The following BCAS3 variants were observed in gnomAD, a reference collection of about 807,000 sequenced individuals.
BCAS3 encodes BCAS3 microtubule associated cell migration factor.
A neutral mutation model predicts 116.1 loss-of-function variants in BCAS3; 53 were observed. The observed-to-expected ratio is 0.46, with a 90% confidence interval of 0.37 to 0.57. The LOEUF is 0.57. Among genes scored for constraint, BCAS3 ranks in the 20% least tolerant of loss-of-function variants. BCAS3 has a pLI of 0.00. For synonymous variants in BCAS3, 391 were observed against 408.2 expected (o/e 0.96, Z 0.51); for missense variants, 917 against 1,165.4 (o/e 0.79, Z 3.10).
chr17:60,763,441 C>G (rs1243878729), intron 6 of BCAS3, among the ~76,000 whole-genome samples: 1 of 152,154 alleles, frequency 6.6e-6, no homozygotes, highest in South Asian at 2.1e-4. Flanking sequence ...TTTTCTGCAT[C>G]TATTGAGATA....
chr17:61,202,220 C>G (rs2144287504), intron 22 of BCAS3, among the ~76,000 whole-genome samples: 1 of 149,432 alleles, frequency 6.7e-6, no homozygotes, highest in South Asian at 2.1e-4. Flanking sequence ...TCACTACAAG[C>G]TCTGCCTCCC....
intron 7 of BCAS3, among the ~76,000 whole-genome samples, chr17:60,822,248 A>T (rs983715545): frequency 2.0e-5 from 3 of 152,180 alleles, no homozygotes; most frequent in African/African-American, 7.2e-5. Flanking sequence ...AACACTTGAC[A>T]TTGTCAGTCT....
intron 19 of BCAS3, among the ~76,000 whole-genome samples, chr17:61,049,113 T>TA (rs2068605917): frequency 6.6e-6 from 1 of 151,580 alleles, no homozygotes; most frequent in South Asian, 2.1e-4. Flanking sequence ...TGCCTAGAAA[T>TA]AGAGTGAGAC....
intron 19 of BCAS3, among the ~76,000 whole-genome samples, chr17:61,043,571 G>A (rs920818186): frequency 6.6e-6 from 1 of 151,970 alleles, no homozygotes; most frequent in Non-Finnish European, 1.5e-5. Context: ...TGGGTTTTCA[G>A]TGGGTACACA....
rs751510032 is a variant in BCAS3 at position 61,285,411 on chromosome 17, G to A, written c.2426-82916G>A. Among the ~76,000 whole-genome samples the A allele has an allele frequency of 1.1e-4, 16 of 151,650 alleles. No homozygotes were observed. The highest frequency in any genetic ancestry group is 1.9e-4 in the Non-Finnish European group (13 of 67,772). ...TGTTTTCTGCAGATTTTCAACAGGT[G>A]TCAGTTACACTTTACCTGGCCCTAA... On this transcript the variant is annotated intron_variant, in intron 22 of 23. Transcript: ENST00000407086. This position sits in a 1 kb window ranked among gnomAD's most constrained non-coding sequence, Gnocchi z 5.4.
intron 5 of BCAS3, among the ~76,000 whole-genome samples, chr17:60,718,357 C>T (rs902144018): frequency 6.6e-6 from 1 of 152,118 alleles, no homozygotes; most frequent in South Asian, 2.1e-4. Flanking sequence ...CATTGCATTT[C>T]AGAGGAAATG....
chr17:61,375,267 C>G (rs1344753892), intron 23 of BCAS3, among the ~76,000 whole-genome samples: 1 of 127,844 alleles, frequency 7.8e-6, no homozygotes, highest in Non-Finnish European at 1.7e-5. Flanking sequence ...CTAATAAAGT[C>G]TTTCATTTTA....
At chr17:60,949,155 G>T (rs570536660) in intron 14 of BCAS3, among the ~76,000 whole-genome samples, 2 of 152,062 alleles carry the variant, frequency 1.3e-5, no homozygotes, top group South Asian at 2.1e-4. Context: ...GATTATAGAC[G>T]TGAGCCACCG....
intron 22 of BCAS3, among the ~76,000 whole-genome samples, chr17:61,257,032 A>C (rs1337942371): frequency 6.6e-6 from 1 of 152,140 alleles, no homozygotes; most frequent in Non-Finnish European, 1.5e-5. Flanking sequence ...CGCTCACATG[A>C]TTTCCATTTA....
intron 23 of BCAS3, among the ~76,000 whole-genome samples, chr17:61,386,301 G>A (rs1262957870): frequency 2.0e-5 from 3 of 152,276 alleles, no homozygotes; most frequent in East Asian, 1.9e-4. Context: ...CTGCCTTCTC[G>A]GGTTCTCTTG....
At chr17:60,811,006 GTGGTCACCATGCAGT>G in intron 7 of BCAS3, 1 of 665,814 alleles carries the variant, frequency 1.5e-6, no homozygotes, top group African/African-American at 1.8e-5. Flanking sequence ...GAGCACCACA[GTGGTCACCATGCAGT>G]CTGCCGAGGT....
intron 15 of BCAS3, among the ~76,000 whole-genome samples, chr17:61,014,429 G>C (rs1383353167): frequency 6.6e-6 from 1 of 152,078 alleles, no homozygotes; most frequent in African/African-American, 2.4e-5. Flanking sequence ...CATGTATATG[G>C]TCAGTTGGTT....
At position 60,902,857 on chromosome 17, in the gene BCAS3, C is replaced by G. The variant is rs2057985434; in HGVS notation, c.822+154C>G. 2.0e-5 allele frequency among the ~76,000 whole-genome samples: 3 copies of G among 152,200 alleles called. No individual in the cohort carries two copies. The South Asian group carries it at 6.2e-4, about 32-fold the overall frequency. ...CTGTTAACTAGCTTCAAGACTGTTA[C>G]CTAATTAATACCACATTTGGAAGAA... On this transcript the variant is annotated intron_variant, in intron 11 of 23. Coordinates refer to ENST00000407086, the MANE Select transcript of BCAS3 (RefSeq NM_017679.5).
chr17:60,958,965 G>A (rs1053292907), intron 14 of BCAS3, among the ~76,000 whole-genome samples: 1 of 152,198 alleles, frequency 6.6e-6, no homozygotes, highest in African/African-American at 2.4e-5. Flanking sequence ...CAACTATGAA[G>A]TTATTAGAGC....
chr17:60,935,132 C>T (rs2059852619), intron 13 of BCAS3, among the ~76,000 whole-genome samples: 1 of 151,886 alleles, frequency 6.6e-6, no homozygotes, highest in African/African-American at 2.4e-5. Context: ...ATGCACATAG[C>T]AAGAGAAGGT....
At chr17:60,719,879 G>C (rs1206395913) in intron 5 of BCAS3, among the ~76,000 whole-genome samples, 2 of 152,178 alleles carry the variant, frequency 1.3e-5, no homozygotes, top group African/African-American at 2.4e-5. Context: ...TAGACGTTTA[G>C]AAGAGAAGAA....
chr17:61,150,355 T>C (rs1467908838), intron 22 of BCAS3, among the ~76,000 whole-genome samples: 1 of 152,244 alleles, frequency 6.6e-6, no homozygotes, highest in Non-Finnish European at 1.5e-5. Flanking sequence ...CTTCTGGGTC[T>C]TTGCTGCTTA....
chr17:60,901,623 T>C (rs1452406320), intron 10 of BCAS3, among the ~76,000 whole-genome samples: 3 of 152,212 alleles, frequency 2.0e-5, no homozygotes, highest in Non-Finnish European at 4.4e-5. Flanking sequence ...CATTCTATTA[T>C]AATATATTAC....
At chr17:61,271,442 T>TTTTTTTTTTTTTTCTGAA (rs2050253990) in intron 22 of BCAS3, among the ~76,000 whole-genome samples, 1 of 128,856 alleles carries the variant, frequency 7.8e-6, no homozygotes, top group Non-Finnish European at 1.6e-5. Context: ...TTTTTTGTCT[T>TTTTTTTTTTTTTTCTGAA]AGGTGGAGTC....
Sources: gnomAD v4.1 joint callset for allele counts (sites outside exome capture counted in the v4.1 genomes callset) on GRCh38, gnomAD v4.1.1 for gene constraint, Gnocchi (gnomAD v3.1) non-coding constraint, MANE v1.5 for transcripts, NCBI Gene and HGNC (gene_info 2026-07-23, HGNC 2026-07-21) for gene names.